The following MAN1A2 variants were observed in gnomAD, a reference collection of about 807,000 sequenced individuals.
MAN1A2 encodes the protein mannosidase alpha class 1A member 2.
Under a neutral mutation model 75.7 loss-of-function variants are expected in MAN1A2, and 26 were observed. The ratio of observed to expected loss-of-function variants is 0.34; its 90% CI spans 0.25 to 0.48. The LOEUF is 0.48. MAN1A2 is among the 20% of genes least tolerant of loss of function. The pLI is 0.99. For synonymous variants in MAN1A2, 247 were observed against 264.6 expected (o/e 0.93, Z 0.65); for missense variants, 562 against 775.5 (o/e 0.72, Z 3.27).
intron 1 of MAN1A2, among the ~76,000 whole-genome samples, chr1:117,400,188 A>T (rs940417950): frequency 3.3e-5 from 5 of 151,992 alleles, no homozygotes; most frequent in Admixed American, 3.3e-4. Context: ...ACATCAATCC[A>T]GTCTGTCTGT....
At chr1:117,428,798 TTTTTTTTTTA>T (rs1370661071) in intron 5 of MAN1A2, among the ~76,000 whole-genome samples, 3 of 146,862 alleles carry the variant, frequency 2.0e-5, no homozygotes, top group Non-Finnish European at 4.5e-5. Flanking sequence ...TTTTTTTTTT[TTTTTTTTTTA>T]AATTTATTTT....
chr1:117,369,487 C>G (rs1489211389), intron 1 of MAN1A2, among the ~76,000 whole-genome samples: 3 of 152,128 alleles, frequency 2.0e-5, no homozygotes, highest in Non-Finnish European at 2.9e-5. Context: ...TTGTCAAGCA[C>G]CGAAAAAGCT....
chr1:117,423,887 T>C (rs1380124741), intron 5 of MAN1A2, among the ~76,000 whole-genome samples: 1 of 113,226 alleles, frequency 8.8e-6, no homozygotes, highest in African/African-American at 3.3e-5. Context: ...CTTTCTTTCT[T>C]TTTTTTTTTT....
intron 7 of MAN1A2, among the ~76,000 whole-genome samples, chr1:117,463,463 A>G (rs572242426): frequency 5.3e-5 from 8 of 152,110 alleles, no homozygotes; most frequent in Non-Finnish European, 7.4e-5. Flanking sequence ...ATCAAGTAGA[A>G]GTACACTAGT....
In MAN1A2 at chr1:117,475,377, T is replaced by A. The variant is rs956278924; in HGVS notation, c.1168+8950T>A. Among the ~76,000 whole-genome samples, 5 of 152,082 alleles carry A rather than the reference T, an allele frequency of 3.3e-5. 1 individual carries two copies. Among genetic ancestry groups the A allele is most frequent in the East Asian group, 3.9e-4 (2 of 5,142 alleles). ...ACATTGTATTTTTTTTTCCTTTTTT[T>A]AAAAATTATACTTGAAGTTGTGAGG... On this transcript the variant is annotated intron_variant, in intron 8 of 12. Transcript: ENST00000356554.
At chr1:117,373,309 G>A (rs538848560) in intron 1 of MAN1A2, among the ~76,000 whole-genome samples, 8 of 151,794 alleles carry the variant, frequency 5.3e-5, no homozygotes, top group East Asian at 1.9e-4. Flanking sequence ...CTGTTTGGGC[G>A]ACGTCACATT....
chr1:117,422,326 CT>C (rs1450404898), intron 5 of MAN1A2, among the ~76,000 whole-genome samples: 2 of 151,920 alleles, frequency 1.3e-5, no homozygotes, highest in Non-Finnish European at 2.9e-5. Flanking sequence ...TAGTTTATTC[CT>C]TTTTACTGTA....
At chr1:117,420,792 A>G (rs560142964) in intron 5 of MAN1A2, 143 bp downstream of exon 5, 7 of 609,600 alleles carry the variant, frequency 1.1e-5, no homozygotes, top group South Asian at 1.1e-4. Flanking sequence ...AGGCAGAACT[A>G]TTCCTTGGGA....
At chr1:117,441,497 A>G (rs1649032930) in intron 5 of MAN1A2, among the ~76,000 whole-genome samples, 1 of 152,208 alleles carries the variant, frequency 6.6e-6, no homozygotes, top group Admixed American at 6.5e-5. Context: ...TGACCCAGTC[A>G]CAGTTTGGAA....
At chr1:117,473,141 C>T (rs1264355194) in intron 8 of MAN1A2, among the ~76,000 whole-genome samples, 3 of 152,026 alleles carry the variant, frequency 2.0e-5, no homozygotes, top group Non-Finnish European at 4.4e-5. Context: ...ATGAGCTCTT[C>T]CTAATAATTC....
At chr1:117,459,983 A>G (rs937915231) in intron 6 of MAN1A2, among the ~76,000 whole-genome samples, 1 of 152,010 alleles carries the variant, frequency 6.6e-6, no homozygotes, top group African/African-American at 2.4e-5. Flanking sequence ...ACAACTCAAA[A>G]TGCTCCCACA....
intron 3 of MAN1A2, among the ~76,000 whole-genome samples, chr1:117,413,128 C>T (rs1350921608): frequency 1.3e-5 from 2 of 151,714 alleles, no homozygotes; most frequent in African/African-American, 2.4e-5. Flanking sequence ...CCATTTTTAT[C>T]GTAATAAAAA....
intron 12 of MAN1A2, among the ~76,000 whole-genome samples, chr1:117,517,678 C>A (rs1651751621): frequency 6.6e-6 from 1 of 151,942 alleles, no homozygotes; most frequent in Non-Finnish European, 1.5e-5. Flanking sequence ...AATACATGAA[C>A]TTAGAATCTC....
At chr1:117,402,087 G>C in intron 1 of MAN1A2, 99 bp from the exon 2 acceptor site, 1 of 1,225,060 alleles carries the variant, frequency 8.2e-7, no homozygotes, top group South Asian at 1.6e-5. Flanking sequence ...TAGAAAACAA[G>C]TTCCTGGGTT....
intron 5 of MAN1A2, among the ~76,000 whole-genome samples, chr1:117,436,397 T>C (rs890790570): frequency 2.0e-5 from 3 of 152,132 alleles, no homozygotes; most frequent in Non-Finnish European, 4.4e-5. Flanking sequence ...TGATAATGAC[T>C]GATGTCTTTG....
At chr1:117,472,811 G>A (rs530984511) in intron 8 of MAN1A2, among the ~76,000 whole-genome samples, 1 of 151,928 alleles carries the variant, frequency 6.6e-6, no homozygotes, top group African/African-American at 2.4e-5. Flanking sequence ...TAAAACATGA[G>A]ATTTTTTTTT....
intron 3 of MAN1A2, among the ~76,000 whole-genome samples, chr1:117,407,071 G>A (rs1043090932): frequency 2.6e-5 from 4 of 152,042 alleles, no homozygotes; most frequent in Admixed American, 1.3e-4. Flanking sequence ...TGACACTTAG[G>A]AAACATCTAT....
chr1:117,417,557 A>ATATATATATATATATATATATATATC (rs1214425551), intron 4 of MAN1A2, among the ~76,000 whole-genome samples: 1 of 140,746 alleles, frequency 7.1e-6, no homozygotes, highest in Non-Finnish European at 1.5e-5. Flanking sequence ...ATATATATAT[A>ATATATATATATATATATATATATATC]TGTGATATAT....
At chr1:117,503,434 C>G (rs1398122147) in intron 12 of MAN1A2, among the ~76,000 whole-genome samples, 1 of 151,392 alleles carries the variant, frequency 6.6e-6, no homozygotes, top group African/African-American at 2.4e-5. Context: ...ATGACCATAG[C>G]CACTCATCCA....
Sources: allele counts gnomAD v4.1 joint callset (sites outside exome capture counted in the v4.1 genomes callset), GRCh38; gene constraint gnomAD v4.1.1; transcripts MANE v1.5; gene names NCBI Gene and HGNC (gene_info 2026-07-23, HGNC 2026-07-21).